SMYD3: variants seen among roughly 807,000 people sequenced by gnomAD.
SMYD3 encodes the protein SET and MYND domain containing 3.
In SMYD3, 36 loss-of-function variants were observed where a neutral mutation model predicts 57.7. The ratio of observed to expected loss-of-function variants is 0.62; its 90% CI spans 0.48 to 0.82. The LOEUF (loss-of-function observed/expected upper bound fraction) is 0.82, where lower values mean the gene tolerates loss of function less well. Among genes scored for constraint, SMYD3 ranks in the 40% least tolerant of loss-of-function variants. The pLI, the probability that SMYD3 is intolerant of heterozygous loss-of-function variation, is 0.00. For missense variants in SMYD3, 515 were observed against 538.8 expected (o/e 0.96, Z 0.44); for synonymous variants, 211 against 195.0 (o/e 1.08, Z -0.68).
At chr1:245,998,051 C>T (rs929757305) in intron 5 of SMYD3, among the ~76,000 whole-genome samples, 4 of 152,206 alleles carry the variant, frequency 2.6e-5, no homozygotes, top group Admixed American at 6.5e-5. Context: ...CCAGGGAAAA[C>T]GCTGTGCTGG....
rs371253445 is a variant in SMYD3 at position 246,180,345 on chromosome 1, T to A, written c.531+146856A>T. Among the ~76,000 whole-genome samples the A allele has an allele frequency of 1.1e-4, 16 of 146,934 alleles. No individual in the cohort carries two copies. The East Asian group carries it at 3.0e-3, about 27-fold the overall frequency. On this transcript the variant is annotated intron_variant, in intron 5 of 11. Coordinates refer to ENST00000490107, the MANE Select transcript of SMYD3 (RefSeq NM_001167740.2). ...TATATATATAAGTATATATATAAAC[T>A]ACTTATATATATATAAGTATATATA...
intron 5 of SMYD3, among the ~76,000 whole-genome samples, chr1:246,068,417 T>TC (rs1329666603): frequency 6.6e-6 from 1 of 152,158 alleles, no homozygotes; most frequent in Non-Finnish European, 1.5e-5. Context: ...TAACAAAAAG[T>TC]CTTCTGACAA....
At chr1:246,217,205 G>GC (rs1207254401) in intron 5 of SMYD3, among the ~76,000 whole-genome samples, 1 of 152,128 alleles carries the variant, frequency 6.6e-6, no homozygotes, top group East Asian at 1.9e-4. Context: ...GGTTGTTAAT[G>GC]CCTTAGTTAT....
intron 1 of SMYD3, among the ~76,000 whole-genome samples, chr1:246,364,974 C>G (rs1344081056): frequency 6.6e-6 from 1 of 152,074 alleles, no homozygotes; most frequent in African/African-American, 2.4e-5. Context: ...TCAAAAAAAG[C>G]CTGTGTAACT....
chr1:246,499,423 CACAT>C (rs956109746), intron 1 of SMYD3, among the ~76,000 whole-genome samples: 17 of 141,190 alleles, frequency 1.2e-4, no homozygotes, highest in African/African-American at 3.0e-4. Flanking sequence ...CACACACACA[CACAT>C]ATATATATTT....
intron 2 of SMYD3, among the ~76,000 whole-genome samples, chr1:246,344,217 C>T (rs1459557688): frequency 6.6e-6 from 1 of 152,078 alleles, no homozygotes; most frequent in Non-Finnish European, 1.5e-5. Context: ...TCCATATAAC[C>T]AACACCAAAA....
chr1:246,398,666 G>C (rs1344283705), intron 1 of SMYD3, among the ~76,000 whole-genome samples: 1 of 152,202 alleles, frequency 6.6e-6, no homozygotes, highest in Non-Finnish European at 1.5e-5. Context: ...CTGAAGCACA[G>C]AGCACAAAGA....
intron 8 of SMYD3, among the ~76,000 whole-genome samples, chr1:245,911,798 A>T (rs978626200): frequency 1.3e-5 from 2 of 152,072 alleles, no homozygotes; most frequent in African/African-American, 4.8e-5. Context: ...CAATAGGAGG[A>T]GTAAGATCTA....
At chr1:245,884,898 A>G (rs1329034591) in intron 8 of SMYD3, among the ~76,000 whole-genome samples, 1 of 151,740 alleles carries the variant, frequency 6.6e-6, no homozygotes, top group African/African-American at 2.4e-5. Flanking sequence ...TAGCCACCTG[A>G]GCCAACAGCG....
At chr1:245,828,606 T>G (rs1310578001) in intron 10 of SMYD3, among the ~76,000 whole-genome samples, 2 of 152,184 alleles carry the variant, frequency 1.3e-5, no homozygotes, top group African/African-American at 4.8e-5. Flanking sequence ...TTTGGGTACA[T>G]GTACACATTT....
intron 1 of SMYD3, among the ~76,000 whole-genome samples, chr1:246,407,840 A>AAAATAAATAAAT (rs34670186): frequency 2.0e-4 from 30 of 147,098 alleles, no homozygotes; most frequent in Non-Finnish European, 2.9e-4. Flanking sequence ...ACTCCGTCTC[A>AAAATAAATAAAT]AAATAAATAA....
At chr1:246,500,388 C>A (rs2068438952) in intron 1 of SMYD3, among the ~76,000 whole-genome samples, 1 of 152,184 alleles carries the variant, frequency 6.6e-6, no homozygotes, top group Non-Finnish European at 1.5e-5. Context: ...AGGTCAGAGG[C>A]AACCTTGTGG....
chr1:246,161,541 C>G (rs986264347), intron 5 of SMYD3, among the ~76,000 whole-genome samples: 1 of 152,194 alleles, frequency 6.6e-6, no homozygotes, highest in African/African-American at 2.4e-5. Flanking sequence ...CAGCCCCCGT[C>G]TATGCCTCCA....
chr1:246,326,422 A>G (rs778246943), intron 5 of SMYD3: 9 of 684,430 alleles, frequency 1.3e-5, no homozygotes, highest in South Asian at 9.6e-5. Context: ...AAAATCAATC[A>G]TCGCACTCTT....
At chr1:246,280,979 A>G (rs959400180) in intron 5 of SMYD3, among the ~76,000 whole-genome samples, 3 of 152,204 alleles carry the variant, frequency 2.0e-5, no homozygotes, top group African/African-American at 7.2e-5. Flanking sequence ...AATCACACTA[A>G]TATTCCAAAG....
At chr1:246,372,434 C>T (rs562705298) in intron 1 of SMYD3, among the ~76,000 whole-genome samples, 1 of 152,326 alleles carries the variant, frequency 6.6e-6, no homozygotes, top group South Asian at 2.1e-4. Flanking sequence ...GAAGTATAGA[C>T]ATCCCTCTAA....
chr1:246,307,674 C>G (rs926736417), intron 5 of SMYD3, among the ~76,000 whole-genome samples: 2 of 152,126 alleles, frequency 1.3e-5, no homozygotes, highest in African/African-American at 2.4e-5. Flanking sequence ...CCGCCTCGGC[C>G]TCCCAAAGTG....
At chr1:246,334,802 A>G (rs1015244888) in intron 3 of SMYD3, among the ~76,000 whole-genome samples, 1 of 152,242 alleles carries the variant, frequency 6.6e-6, no homozygotes, top group Non-Finnish European at 1.5e-5. Context: ...ATTTTCTGCA[A>G]TCTCATGATA....
chr1:245,885,874 G>A (rs894423785), intron 8 of SMYD3, among the ~76,000 whole-genome samples: 2 of 152,128 alleles, frequency 1.3e-5, no homozygotes, highest in Admixed American at 6.5e-5. Flanking sequence ...TTAATATGAT[G>A]TCAAACTAAG....
Sources: allele counts gnomAD v4.1 joint callset (sites outside exome capture counted in the v4.1 genomes callset), GRCh38; gene constraint gnomAD v4.1.1; transcripts MANE v1.5; gene names NCBI Gene and HGNC (gene_info 2026-07-23, HGNC 2026-07-21).